COL27A1: variants seen among roughly 807,000 people sequenced by gnomAD.
COL27A1 encodes the protein collagen alpha-1(XXVII) chain.
In COL27A1, 106 loss-of-function variants were observed where a neutral mutation model predicts 251.3. The observed-to-expected ratio is 0.42, with a 90% CI of 0.36 to 0.50. The LOEUF (loss-of-function observed/expected upper bound fraction) is 0.50, where lower values mean the gene tolerates loss of function less well. Among genes scored for constraint, COL27A1 ranks in the 20% least tolerant of loss-of-function variants. The pLI, the probability that COL27A1 is intolerant of heterozygous loss-of-function variation, is 0.00. For missense variants in COL27A1, 2,325 were observed against 2,522.8 expected, an observed-to-expected ratio of 0.92 and a Z score of 1.68; for synonymous variants, 1,000 against 986.3, an observed-to-expected ratio of 1.01 and a Z score of -0.26.
At chr9:114,224,882 C>G (rs1203056356) in intron 14 of COL27A1, among the ~76,000 whole-genome samples, 3 of 152,048 alleles carry the variant, frequency 2.0e-5, no homozygotes. Flanking sequence ...GTCTCCAACT[C>G]CTGGGCTCAA....
At chr9:114,285,780 G>A (rs1827433336) in intron 41 of COL27A1, among the ~76,000 whole-genome samples, 1 of 152,222 alleles carries the variant, frequency 6.6e-6, no homozygotes, top group Admixed American at 6.5e-5. Flanking sequence ...GGCACAGAAG[G>A]GGTTAACACA....
intron 7 of COL27A1, among the ~76,000 whole-genome samples, chr9:114,199,245 C>A (rs938159264): frequency 6.6e-6 from 1 of 152,108 alleles, no homozygotes; most frequent in African/African-American, 2.4e-5. Flanking sequence ...TGGCCATTAC[C>A]TACAACTGGG....
intron 2 of COL27A1, 138 bp downstream of exon 2, chr9:114,162,923 T>C (rs1848599765): frequency 1.6e-6 from 1 of 624,634 alleles, no homozygotes; most frequent in East Asian, 2.8e-5. Flanking sequence ...GAGATGATAA[T>C]TGGCAAATTC....
upstream of COL27A1, among the ~76,000 whole-genome samples, chr9:114,154,234 C>T (rs1045446361): frequency 6.6e-6 from 1 of 152,060 alleles, no homozygotes; most frequent in African/African-American, 2.4e-5. The surrounding 1 kb of genome is among the most constrained non-coding windows in gnomAD (Gnocchi z 5.8). Flanking sequence ...CCGCTGCGCT[C>T]CGCGCGCCCG....
chr9:114,224,049 G>A (rs186613317), intron 14 of COL27A1, among the ~76,000 whole-genome samples: 3 of 152,142 alleles, frequency 2.0e-5, no homozygotes, highest in Admixed American at 1.3e-4. Flanking sequence ...GGCTGGGGTT[G>A]AGGAAGTGTC....
At chr9:114,226,919 C>T (rs894504885) in intron 14 of COL27A1, among the ~76,000 whole-genome samples, 1 of 152,156 alleles carries the variant, frequency 6.6e-6, no homozygotes, top group African/African-American at 2.4e-5. Context: ...GGGCCCTGAG[C>T]GAGAGGCATG....
intron 37 of COL27A1, among the ~76,000 whole-genome samples, chr9:114,276,882 C>CAAA (rs1455768130): frequency 1.3e-5 from 2 of 152,192 alleles, no homozygotes; most frequent in African/African-American, 4.8e-5. Context: ...GACAAGTTGC[C>CAAA]CAATGCTTTC....
intron 18 of COL27A1, 36 bp from the exon 19 acceptor site, chr9:114,237,626 C>T: frequency 6.3e-7 from 1 of 1,594,218 alleles, no homozygotes; most frequent in Non-Finnish European, 8.6e-7. Context: ...GTGGGGTCCT[C>T]ACCCCTGCCT....
intron 14 of COL27A1, among the ~76,000 whole-genome samples, chr9:114,227,898 C>T (rs970995799): frequency 2.0e-5 from 3 of 152,150 alleles, no homozygotes; most frequent in African/African-American, 7.2e-5. Context: ...AAGCTGCCCT[C>T]GGGGGATGCT....
chr9:114,222,147 G>A, intron 13 of COL27A1, 76 bp from the exon 14 acceptor site: 1 of 1,325,890 alleles, frequency 7.5e-7, no homozygotes, highest in South Asian at 1.2e-5. Flanking sequence ...AGGTGCCTGT[G>A]TGGAGGATGA....
chr9:114,307,817 C>T, intron 59 of COL27A1, 39 bp downstream of exon 59: 1 of 1,476,006 alleles, frequency 6.8e-7, no homozygotes. Context: ...AGGCTGTCTG[C>T]CTCTATCCCC....
rs1348142986 is a variant in COL27A1 at position 114,195,871 on chromosome 9, T to G, written c.2071-88T>G. 3.9e-6 allele frequency: 4 copies of G among 1,038,536 alleles called. No individual in the cohort carries two copies. The East Asian group carries it at 9.4e-5, about 24-fold the overall frequency. The allele number at this position is 1,038,536 out of a possible 1,614,324, so 64.3% of individuals were successfully genotyped here. ...AATCTCATTTGGAAACAACCAGCCA[T>G]TGGAAGTTACCATTCCAATTTGTAG... On this transcript the variant is annotated intron_variant, in intron 6 of 60. Coordinates refer to ENST00000356083, the MANE Select transcript of COL27A1 (RefSeq NM_032888.4).
intron 14 of COL27A1, among the ~76,000 whole-genome samples, chr9:114,228,485 C>T (rs971630952): frequency 1.3e-5 from 2 of 152,204 alleles, no homozygotes; most frequent in African/African-American, 2.4e-5. Flanking sequence ...AGCTGGCCTC[C>T]CTTCCAATCC....
At chr9:114,248,987 C>T (rs577950158) in intron 24 of COL27A1, among the ~76,000 whole-genome samples, 2 of 152,264 alleles carry the variant, frequency 1.3e-5, no homozygotes, top group East Asian at 1.9e-4. Context: ...TGGGAAAGAG[C>T]GAACATGTAT....
chr9:114,169,560 AG>A (rs1446687665), intron 3 of COL27A1, 97 bp downstream of exon 3: 16 of 1,000,414 alleles, frequency 1.6e-5, no homozygotes, highest in Non-Finnish European at 1.9e-5. Flanking sequence ...GAAAAGGAGC[AG>A]CTTAGAGCAG....
At chr9:114,258,054 G>A (rs1834056030) in intron 27 of COL27A1, among the ~76,000 whole-genome samples, 1 of 152,128 alleles carries the variant, frequency 6.6e-6, no homozygotes, top group South Asian at 2.1e-4. Context: ...AAAATTAGCT[G>A]GGCATGATGG....
At chr9:114,210,811 C>A (rs1176098401) in intron 11 of COL27A1, among the ~76,000 whole-genome samples, 171 bp from the exon 12 acceptor site, 1 of 152,242 alleles carries the variant, frequency 6.6e-6, no homozygotes, top group African/African-American at 2.4e-5. Context: ...ACCACAGACC[C>A]CGACCCTGCC....
chr9:114,199,072 G>A (rs192535926), intron 7 of COL27A1, among the ~76,000 whole-genome samples: 1 of 152,262 alleles, frequency 6.6e-6, no homozygotes, highest in African/African-American at 2.4e-5. Flanking sequence ...CTAGTTTCCA[G>A]CTAACCACCC....
At chr9:114,252,769 G>A (rs1336942012) in intron 26 of COL27A1, 110 bp from the exon 27 acceptor site, 1 of 1,401,774 alleles carries the variant, frequency 7.1e-7, no homozygotes, top group African/African-American at 1.4e-5. Context: ...TTGTCCAGGG[G>A]GCCTAGCTGC....
Sources: allele counts gnomAD v4.1 joint callset (sites outside exome capture counted in the v4.1 genomes callset), GRCh38; gene constraint gnomAD v4.1.1; non-coding constraint Gnocchi (gnomAD v3.1); transcripts MANE v1.5; gene names NCBI Gene and HGNC (gene_info 2026-07-23, HGNC 2026-07-21).